The following DAGLB variants were observed in gnomAD, a reference collection of about 807,000 sequenced individuals.
The protein encoded by DAGLB is diacylglycerol lipase beta.
In DAGLB, 66 loss-of-function variants were observed where a neutral mutation model predicts 72.1. The observed-to-expected ratio is 0.92, with a 90% CI of 0.75 to 1.12. The LOEUF is 1.12. Ranked by LOEUF, DAGLB falls within the 50% of genes most tolerant of loss-of-function variation. The pLI, the probability that DAGLB is intolerant of heterozygous loss-of-function variation, is 0.00. For synonymous variants in DAGLB, 414 were observed against 359.5 expected, an observed-to-expected ratio of 1.15 and a Z score of -1.71; for missense variants, 1,065 against 884.9, an observed-to-expected ratio of 1.20 and a Z score of -2.58.
chr7:6,433,065 A>T (rs999240017), intron 4 of DAGLB, 106 bp from the exon 5 acceptor site: 7 of 1,452,276 alleles, frequency 4.8e-6, no homozygotes, highest in Non-Finnish European at 6.3e-6. Context: ...GCACACACAG[A>T]CATTTCTAGA....
At chr7:6,420,727 CACCAGTT>C (rs72094559) in intron 9 of DAGLB, among the ~76,000 whole-genome samples, 59,577 of 151,534 alleles carry the variant, frequency 0.39, 15,557 homozygotes, top group African/African-American at 0.72. Flanking sequence ...AGGAATATCT[CACCAGTT>C]ACAGGAAGCC....
chr7:6,413,086 A>C, intron 11 of DAGLB, 52 bp from the exon 12 acceptor site: 1 of 1,573,502 alleles, frequency 6.4e-7, no homozygotes, highest in Non-Finnish European at 8.7e-7. Context: ...CACTGCCCAC[A>C]AGGGCTTCCA....
At position 6,421,728 on chromosome 7, in the gene DAGLB, T is replaced by C. The variant is rs1175864555; in HGVS notation, c.1217A>G (p.Lys406Arg). The C allele has an allele frequency of 6.2e-7, 1 of 1,609,304 alleles. No homozygotes were observed. Among genetic ancestry groups the C allele is most frequent in the South Asian group, 1.1e-5 (1 of 90,908 alleles). Reference protein sequence around the residue: ...ECEVQDRLAHKGISQAARYVY... With the variant: ...ECEVQDRLAHRGISQAARYVY... ...AGACACACGAGTCCGCGCTCATACC[T>C]TGTGTGCCAGGCGGTCCTGCACCTC... Residue 406 changes from lysine (K) to arginine (R), a missense_variant and splice_region_variant, in exon 9 of 15, where the codon AAG (lysine) becomes AGG (arginine). By Grantham distance (26) the Lys-to-Arg change is conservative (BLOSUM62 2). Transcript: ENST00000297056.
chr7:6,424,668 C>T (rs1363097020), intron 8 of DAGLB, 84 bp downstream of exon 8: 1 of 1,324,786 alleles, frequency 7.5e-7, no homozygotes, highest in Non-Finnish European at 1.1e-6. Context: ...CATGCGGTTA[C>T]TGACGGATTT....
In DAGLB at chr7:6,410,878, GTA is replaced by G. The variant is rs1278362742; in HGVS notation, c.1570-500_1570-499del. The stretch of plus-strand genomic sequence containing the variant: ...TGCCACCATGCCCGGCTAATTTTTT[GTA>G]TTTTTTTTTTTTTTTTTTTTTTGAG... On this transcript the variant is annotated intron_variant, in intron 13 of 14. Transcript: ENST00000297056. Among the ~76,000 whole-genome samples the G allele has an allele frequency of 2.8e-3, 313 of 112,734 alleles. 4 individuals are homozygous for G. The highest frequency in any genetic ancestry group is 9.1e-3 in the Middle Eastern group (2 of 220). The allele number at this position is 112,734 out of a possible 152,430, so 74.0% of individuals were successfully genotyped here.
At position 6,439,388 on chromosome 7, in the gene DAGLB, C is replaced by A. The variant is rs187533928; in HGVS notation, c.248-2855G>T. 2.8e-3 allele frequency among the ~76,000 whole-genome samples: 431 copies of A among 152,282 alleles called. 1 individual carries two copies. The highest frequency in any genetic ancestry group is 5.4e-3 in the Non-Finnish European group (364 of 68,032). On this transcript the variant is annotated intron_variant, in intron 2 of 14. Coordinates refer to ENST00000297056, the MANE Select transcript of DAGLB (RefSeq NM_139179.4). ...TCGCTGGCCCCATAACCGACAAGCA[C>A]AGCTGCATTCCTAAATGTAATGTCC... is the stretch of plus-strand genomic sequence containing the variant.
chr7:6,433,430 C>A (rs1468966836), intron 4 of DAGLB, among the ~76,000 whole-genome samples: 1 of 152,154 alleles, frequency 6.6e-6, no homozygotes, highest in Non-Finnish European at 1.5e-5. Context: ...TAAAGGACCC[C>A]AAGCTGGGAA....
rs758965312 is a variant in DAGLB, at chr7:6,434,818, C to T, written c.622G>A (p.Asp208Asn). The T allele has an allele frequency of 1.9e-6, 3 of 1,614,152 alleles. No homozygotes were observed. The highest frequency in any genetic ancestry group is 2.2e-5 in the South Asian group (2 of 91,090). ...KLLCCCIGKD[D>N]HTRVAFSSTA... ...CTCGAAAAAGCAACCCGAGTATGGT[C>T]GTCTTTCCCAATGCAACAGCACAAG... Residue 208 changes from aspartate to asparagine, a missense_variant, in exon 4 of 15, where the codon GAC becomes AAC. Coordinates refer to ENST00000297056, the MANE Select transcript of DAGLB (RefSeq NM_139179.4).
chr7:6,441,706 C>T (rs1293112644), intron 2 of DAGLB, among the ~76,000 whole-genome samples: 5 of 152,116 alleles, frequency 3.3e-5, no homozygotes, highest in African/African-American at 1.2e-4. Flanking sequence ...TGTAAGCCAC[C>T]GCGCCTGGCC....
intron 11 of DAGLB, 110 bp from the exon 12 acceptor site, chr7:6,413,144 C>G: frequency 1.8e-6 from 2 of 1,141,410 alleles, no homozygotes; most frequent in Non-Finnish European, 2.5e-6. Context: ...GGCCTCAGCT[C>G]TGTTCTCTCT....
chr7:6,436,214 A>T, intron 3 of DAGLB, 148 bp downstream of exon 3: 2 of 998,402 alleles, frequency 2.0e-6, no homozygotes, highest in Non-Finnish European at 2.9e-6. Flanking sequence ...CAGTGTCTCT[A>T]AATTTTCATG....
At position 6,446,124 on chromosome 7, in the gene DAGLB, G is replaced by C. The variant is rs1309776557; in HGVS notation, c.96-20C>G. On this transcript the variant is annotated intron_variant, in intron 1 of 14. Coordinates refer to ENST00000297056, the MANE Select transcript of DAGLB (RefSeq NM_139179.4). ...ATCCACCTGGCAAAAAAAAAAAAGGGAAGGGTCAGAAATGAAATCCAAGGA... is the reference window on the plus strand; with the variant it reads ...ATCCACCTGGCAAAAAAAAAAAAGGCAAGGGTCAGAAATGAAATCCAAGGA... 1 of 1,581,650 alleles carries C rather than the reference G, an allele frequency of 6.3e-7. No individual in the cohort carries two copies. The highest frequency in any genetic ancestry group is 2.2e-5 in the East Asian group (1 of 44,548).
intron 6 of DAGLB, among the ~76,000 whole-genome samples, chr7:6,429,853 G>C (rs1189345538): frequency 1.3e-5 from 2 of 152,132 alleles, no homozygotes; most frequent in East Asian, 3.9e-4. Flanking sequence ...GACCATCCTG[G>C]CTAACACGGT....
rs765098332 is a variant in DAGLB at position 6,410,408 on chromosome 7, G to A, written c.1570-28C>T. 7.0e-6 allele frequency: 11 copies of A among 1,576,240 alleles called. No individual in the cohort carries two copies. The East Asian group carries it at 2.0e-4, about 29-fold the overall frequency. On this transcript the variant is annotated intron_variant, in intron 13 of 14. Coordinates refer to ENST00000297056, the MANE Select transcript of DAGLB (RefSeq NM_139179.4). ...GAGGGCGAGACCCAATCAGTAGAAT[G>A]CTGTCACTCACCCTCTGTCACCCGA...
intron 11 of DAGLB, among the ~76,000 whole-genome samples, chr7:6,415,168 A>T (rs552515874): frequency 2.6e-5 from 4 of 152,024 alleles, no homozygotes; most frequent in African/African-American, 9.7e-5. Flanking sequence ...GTCAATTAAA[A>T]AAAAAAAAAA....
intron 6 of DAGLB, 120 bp downstream of exon 6, chr7:6,430,360 T>C: frequency 8.2e-7 from 1 of 1,221,874 alleles, no homozygotes; most frequent in Admixed American, 3.9e-5. Flanking sequence ...AGCTGGTGAC[T>C]CTAGGTAAAG....
chr7:6,436,357 G>A lies in DAGLB; in HGVS notation c.419+5C>T. 6.2e-7 allele frequency: 1 copy of A among 1,601,872 alleles called. No homozygotes were observed. The highest frequency in any genetic ancestry group is 2.2e-5 in the East Asian group (1 of 44,770). On this transcript the variant is annotated splice_donor_5th_base_variant and intron_variant, in intron 3 of 14. Transcript: ENST00000297056. ...GAAACTCAAAGAGAAGAAGGGAGATGTCACCTGACCACGACGGTTGCGATG... is the reference window on the plus strand; with the variant it reads ...GAAACTCAAAGAGAAGAAGGGAGATATCACCTGACCACGACGGTTGCGATG...
intron 2 of DAGLB, among the ~76,000 whole-genome samples, chr7:6,441,065 T>C (rs1268005135): frequency 6.6e-6 from 1 of 151,298 alleles, no homozygotes; most frequent in East Asian, 1.9e-4. Flanking sequence ...TAATAAGGCA[T>C]ATGACGTTAT....
chr7:6,410,666 G>A (rs1056933200), intron 13 of DAGLB, among the ~76,000 whole-genome samples: 1 of 152,124 alleles, frequency 6.6e-6, no homozygotes, highest in African/African-American at 2.4e-5. Flanking sequence ...AGACTGTGAG[G>A]GATATTTCCC....
Sources: allele counts gnomAD v4.1 joint callset (sites outside exome capture counted in the v4.1 genomes callset), GRCh38; gene constraint gnomAD v4.1.1; transcripts MANE v1.5; gene names NCBI Gene and HGNC (gene_info 2026-07-23, HGNC 2026-07-21).